The following CAB39 variants were observed in gnomAD, a reference collection of about 807,000 sequenced individuals.
CAB39 encodes calcium binding protein 39.
A neutral mutation model predicts 40.0 loss-of-function variants in CAB39; 8 were observed. That is an observed-to-expected ratio of 0.20 (90% CI 0.12 to 0.36). The LOEUF (loss-of-function observed/expected upper bound fraction) is 0.36. CAB39 is among the 10% of genes least tolerant of loss of function. The pLI is 1.00. For synonymous variants in CAB39, 156 were observed against 141.6 expected (o/e 1.10, Z -0.72); for missense variants, 270 against 401.1 (o/e 0.67, Z 2.79).
intron 1 of CAB39, among the ~76,000 whole-genome samples, chr2:230,726,029 G>T (rs1405957035): frequency 6.6e-6 from 1 of 152,144 alleles, no homozygotes; most frequent in African/African-American, 2.4e-5. Context: ...AGATAAGGAT[G>T]GGGCAGGATA....
chr2:230,740,547 G>C (rs947862654), intron 1 of CAB39, among the ~76,000 whole-genome samples: 1 of 152,158 alleles, frequency 6.6e-6, no homozygotes. Flanking sequence ...GTTTTTCCAC[G>C]GACTAGGGCT....
At chr2:230,810,219 A>G (rs778569315) in intron 5 of CAB39, 44 bp from the exon 6 acceptor site, 12 of 900,308 alleles carry the variant, frequency 1.3e-5, no homozygotes, top group Non-Finnish European at 1.9e-5. Context: ...GCTTTTTTGA[A>G]AACTTGGAGA....
At chr2:230,817,063 G>A (rs1488669714) in intron 7 of CAB39, among the ~76,000 whole-genome samples, 3 of 152,220 alleles carry the variant, frequency 2.0e-5, no homozygotes, top group Non-Finnish European at 4.4e-5. Flanking sequence ...AAAGTTATGA[G>A]TTTATATGAT....
At chr2:230,810,768 C>G (rs1454910518) in intron 6 of CAB39, among the ~76,000 whole-genome samples, 1 of 152,234 alleles carries the variant, frequency 6.6e-6, no homozygotes, top group Non-Finnish European at 1.5e-5. Context: ...CCTTTGTGGC[C>G]ATGGCCAAGG....
chr2:230,764,993 T>C lies in CAB39; in HGVS notation c.114+4878T>C, dbSNP rs181031990. Among the ~76,000 whole-genome samples the C allele has an allele frequency of 3.5e-4, 54 of 152,338 alleles. 1 individual carries two copies. The East Asian group carries it at 0.01, about 29-fold the overall frequency. On this transcript the variant is annotated intron_variant, in intron 2 of 8. Transcript: ENST00000258418. ...GGAACATTCCTAAGTTGGACCTTTT[T>C]TTTTCCTTTTTTGAGACGGAGTCTC...
At chr2:230,794,994 A>C (rs1410737516) in intron 4 of CAB39, among the ~76,000 whole-genome samples, 1 of 152,190 alleles carries the variant, frequency 6.6e-6, no homozygotes, top group Non-Finnish European at 1.5e-5. Context: ...TATTACTTCC[A>C]GGCTGGACAT....
chr2:230,730,065 A>T (rs1694659845), intron 1 of CAB39, among the ~76,000 whole-genome samples: 1 of 152,238 alleles, frequency 6.6e-6, no homozygotes. Flanking sequence ...CCTGCTACAT[A>T]AGCAACATCA....
intron 2 of CAB39, among the ~76,000 whole-genome samples, chr2:230,784,167 G>A (rs138692432): frequency 2.6e-5 from 4 of 152,242 alleles, no homozygotes; most frequent in South Asian, 2.1e-4. Flanking sequence ...CTATTGGGGC[G>A]AGGTGAAGAG....
chr2:230,726,323 C>T (rs146187200), intron 1 of CAB39, among the ~76,000 whole-genome samples: 15 of 151,620 alleles, frequency 9.9e-5, no homozygotes, highest in African/African-American at 1.7e-4. Flanking sequence ...CTACCATGCC[C>T]GGCTAATTTT....
intron 2 of CAB39, among the ~76,000 whole-genome samples, chr2:230,780,866 G>A (rs765649174): frequency 2.0e-5 from 3 of 152,066 alleles, no homozygotes; most frequent in African/African-American, 4.8e-5. Context: ...CTGATAACTC[G>A]AGCTCAGGAG....
intron 1 of CAB39, among the ~76,000 whole-genome samples, chr2:230,749,897 AC>A (rs1252420271): frequency 2.6e-5 from 4 of 152,302 alleles, no homozygotes; most frequent in African/African-American, 9.6e-5. Context: ...ATACTGGACA[AC>A]CTAATAGACA....
intron 1 of CAB39, among the ~76,000 whole-genome samples, chr2:230,750,934 A>T (rs1041675226): frequency 2.0e-5 from 3 of 152,132 alleles, no homozygotes; most frequent in African/African-American, 7.2e-5. Context: ...TATCTTTAAA[A>T]CCCGTGTAAT....
chr2:230,791,767 C>T (rs375630406), intron 3 of CAB39, among the ~76,000 whole-genome samples: 5 of 152,082 alleles, frequency 3.3e-5, no homozygotes, highest in African/African-American at 7.2e-5. Flanking sequence ...CATTGTTGCC[C>T]GAGTTAATAC....
intron 5 of CAB39, among the ~76,000 whole-genome samples, chr2:230,806,471 C>T (rs754679541): frequency 3.3e-5 from 5 of 152,040 alleles, no homozygotes; most frequent in African/African-American, 4.8e-5. Context: ...CCATTCCAGG[C>T]GCTACACTTT....
At chr2:230,789,515 C>T (rs547335739) in intron 2 of CAB39, among the ~76,000 whole-genome samples, 1 of 152,172 alleles carries the variant, frequency 6.6e-6, no homozygotes, top group Non-Finnish European at 1.5e-5. Context: ...AGGCAAAACC[C>T]CCTGAGTACT....
intron 2 of CAB39, among the ~76,000 whole-genome samples, chr2:230,777,425 T>G (rs1207748939): frequency 6.7e-6 from 1 of 149,198 alleles, no homozygotes; most frequent in African/African-American, 2.5e-5. Flanking sequence ...TCAATTTTGT[T>G]TTTTTTTTTT....
At chr2:230,780,307 A>T (rs1464767160) in intron 2 of CAB39, among the ~76,000 whole-genome samples, 2 of 152,206 alleles carry the variant, frequency 1.3e-5, no homozygotes, top group African/African-American at 4.8e-5. Context: ...CTAAATGTTA[A>T]CGTCTTTTAT....
intron 2 of CAB39, among the ~76,000 whole-genome samples, chr2:230,764,303 T>C (rs567932098): frequency 1.5e-4 from 23 of 152,324 alleles, no homozygotes; most frequent in Middle Eastern, 3.4e-3. Flanking sequence ...TTCCACACTT[T>C]ATTATAAAAT....
intron 2 of CAB39, among the ~76,000 whole-genome samples, chr2:230,777,098 T>C (rs745480468): frequency 6.6e-6 from 1 of 152,152 alleles, no homozygotes; most frequent in Non-Finnish European, 1.5e-5. Flanking sequence ...GTTTCCTTCA[T>C]AGATTCTAAT....
Sources: gnomAD v4.1 joint callset for allele counts (sites outside exome capture counted in the v4.1 genomes callset) on GRCh38, gnomAD v4.1.1 for gene constraint, MANE v1.5 for transcripts, NCBI Gene and HGNC (gene_info 2026-07-23, HGNC 2026-07-21) for gene names.